The following NECTIN1 variants were observed in gnomAD, a reference collection of about 807,000 sequenced individuals.
NECTIN1 encodes nectin-1.
In NECTIN1, 23 loss-of-function variants were observed where a neutral mutation model predicts 48.0. That is an observed-to-expected ratio of 0.48 (90% CI 0.34 to 0.68). NECTIN1 has a LOEUF of 0.68. Among genes scored for constraint, NECTIN1 ranks in the 30% least tolerant of loss-of-function variants. NECTIN1 has a pLI of 0.01. For synonymous variants in NECTIN1, 270 were observed against 288.9 expected, an observed-to-expected ratio of 0.93 and a Z score of 0.66; for missense variants, 591 against 709.9, an observed-to-expected ratio of 0.83 and a Z score of 1.90.
chr11:119,683,638 G>T lies in NECTIN1; in HGVS notation c.80-4873C>A, dbSNP rs577772548. Among the ~76,000 whole-genome samples the T allele has an allele frequency of 1.8e-4, 28 of 151,780 alleles. No homozygotes were observed. The highest frequency in any genetic ancestry group is 3.5e-4 in the Non-Finnish European group (24 of 67,974). On this transcript the variant is annotated intron_variant, in intron 1 of 5. Coordinates refer to ENST00000264025, the MANE Select transcript of NECTIN1 (RefSeq NM_002855.5). This position sits in a 1 kb window ranked among gnomAD's most constrained non-coding sequence, Gnocchi z 4.0. The stretch of plus-strand genomic sequence containing the variant: ...CACTTGCAGGAGGCTGCTATGTGCT[G>T]AGCAATAAGAGCTAGAGAGGTGGGG...
At chr11:119,648,503 C>A (rs548653106) in intron 5 of NECTIN1, among the ~76,000 whole-genome samples, 1 of 146,622 alleles carries the variant, frequency 6.8e-6, no homozygotes, top group East Asian at 2.1e-4. Context: ...TACTTCATCA[C>A]CCACCATGGC....
chr11:119,720,977 C>T (rs982512691), intron 1 of NECTIN1, among the ~76,000 whole-genome samples: 2 of 152,150 alleles, frequency 1.3e-5, no homozygotes, highest in Non-Finnish European at 2.9e-5. Flanking sequence ...AGGGGAAATG[C>T]TTCCTCTCTA....
rs1197822863 is a variant in NECTIN1 at position 119,664,848 on chromosome 11, T to G, written c.1453A>C (p.Thr485Pro). ...EARQDGYGDR[T>P]LGYQYDPEQL... is the part of the protein sequence containing the mutation. ...TCAGGGTCGTACTGGTAGCCCAGAG[T>G]CCGGTCCCCGTAGCCGTCCTGACGG... The change falls in exon 6 of 6, where the codon ACT becomes CCT. Residue 485 changes from threonine (T) to proline (P), a missense_variant. By Grantham distance (38) the Thr-to-Pro change is conservative. Coordinates refer to ENST00000264025, the MANE Select transcript of NECTIN1 (RefSeq NM_002855.5). 6.2e-7 allele frequency: 1 copy of G among 1,613,824 alleles called. No individual in the cohort carries two copies. Among genetic ancestry groups the G allele is most frequent in the East Asian group, 2.2e-5 (1 of 44,856 alleles).
intron 5 of NECTIN1, chr11:119,674,311 G>C: frequency 7.6e-7 from 1 of 1,320,496 alleles, no homozygotes; most frequent in Non-Finnish European, 9.8e-7. Flanking sequence ...CCCATGTGAA[G>C]TTGTGATGGC....
Position 119,724,405 on chromosome 11 carries a change from T to C in NECTIN1, c.79+4070A>G, listed in dbSNP as rs1196652161. Among the ~76,000 whole-genome samples, 7 of 152,054 alleles carry C rather than the reference T, an allele frequency of 4.6e-5. No individual in the cohort carries two copies. In the East Asian group the frequency reaches 1.4e-3, roughly 29 times the overall value. ...GTGGTCAAGGTCTTCAGCATCTCCC[T>C]GCGAGCAGGCAGAGGCCCAGTCTAA... On this transcript the variant is annotated intron_variant, in intron 1 of 5. Coordinates refer to ENST00000264025, the MANE Select transcript of NECTIN1 (RefSeq NM_002855.5).
chr11:119,664,440 AAGACG>A lies in NECTIN1; in HGVS notation c.*302_*306del. The A allele has an allele frequency of 2.6e-6, 3 of 1,164,848 alleles. No homozygotes were observed. The highest frequency in any genetic ancestry group is 3.2e-6 in the Non-Finnish European group (3 of 941,600). 72.2% of individuals were successfully genotyped at this position (1,164,848 alleles called of 1,614,324 possible). ...ACCCTGGAGGGATGCCCAGGTACACAAGACGAGAACAGGGCTCCCTACACAGAGGG... is the reference window on the plus strand; with the variant it reads ...ACCCTGGAGGGATGCCCAGGTACACAAGAACAGGGCTCCCTACACAGAGGG... On this transcript the variant is annotated 3_prime_UTR_variant, in exon 6 of 6. Transcript: ENST00000264025.
downstream of NECTIN1, among the ~76,000 whole-genome samples, chr11:119,658,409 A>G (rs1864610157): frequency 6.6e-6 from 1 of 152,172 alleles, no homozygotes; most frequent in Admixed American, 6.5e-5. Context: ...CTGGGGTCCA[A>G]GAAGCCAACA....
intron 6 of NECTIN1, chr11:119,639,715 G>T: frequency 9.8e-7 from 1 of 1,025,630 alleles, no homozygotes; most frequent in Non-Finnish European, 1.5e-6. Context: ...AGCTCTTCCT[G>T]CCAAAGGGTT....
chr11:119,638,262 G>C, intron 7 of NECTIN1: 1 of 1,613,686 alleles, frequency 6.2e-7, no homozygotes, highest in South Asian at 1.1e-5. Context: ...AAGAGAAGGC[G>C]GTGAGTGCTG....
chr11:119,692,001 G>C (rs978224437), intron 1 of NECTIN1, among the ~76,000 whole-genome samples: 1 of 152,194 alleles, frequency 6.6e-6, no homozygotes, highest in African/African-American at 2.4e-5. Flanking sequence ...AGGGGCCTGA[G>C]AGGGAGAAGG....
intron 1 of NECTIN1, chr11:119,713,915 C>T (rs747103102): frequency 4.4e-6 from 2 of 454,926 alleles, no homozygotes; most frequent in South Asian, 1.6e-5. Flanking sequence ...CAAGGAGCAG[C>T]AAGCCTGGGG....
intron 1 of NECTIN1, among the ~76,000 whole-genome samples, chr11:119,690,472 A>T (rs1865234514): frequency 6.6e-6 from 1 of 152,040 alleles, no homozygotes; most frequent in African/African-American, 2.4e-5. Context: ...AAAAAAGGGG[A>T]TGGGAAACGG....
intron 1 of NECTIN1, among the ~76,000 whole-genome samples, chr11:119,685,092 C>G (rs1011322556): frequency 1.3e-5 from 2 of 152,226 alleles, no homozygotes; most frequent in Non-Finnish European, 2.9e-5. Context: ...TCCGGCCTGG[C>G]CTTGCACTGC....
At chr11:119,648,229 A>ATGGTGGTGATAG (rs1169628153) in intron 5 of NECTIN1, among the ~76,000 whole-genome samples, 2 of 72,926 alleles carry the variant, frequency 2.7e-5, no homozygotes, top group African/African-American at 4.9e-5. Context: ...GGCAGTGATG[A>ATGGTGGTGATAG]TGGTGGTGAT....
In NECTIN1 at chr11:119,669,853, C is replaced by T. The variant is rs1353872580; in HGVS notation, c.1004-4556G>A. 8.5e-5 allele frequency among the ~76,000 whole-genome samples: 13 copies of T among 152,178 alleles called. 1 individual carries two copies. Reference sequence around the variant, plus strand: ...TTCTCATCAAGACCTTCCCCAACTACCCTATTTAAAACTGCAGCTCATAAG... The same window carrying T: ...TTCTCATCAAGACCTTCCCCAACTATCCTATTTAAAACTGCAGCTCATAAG... On this transcript the variant is annotated intron_variant, in intron 5 of 5. Transcript: ENST00000264025.
chr11:119,687,891 G>A (rs1326384084), intron 1 of NECTIN1, among the ~76,000 whole-genome samples: 4 of 152,220 alleles, frequency 2.6e-5, no homozygotes, highest in Non-Finnish European at 4.4e-5. Flanking sequence ...GGATGGCCGG[G>A]GGGGTGAGTG....
chr11:119,663,387 G>A lies in NECTIN1; in HGVS notation c.*1360C>T, dbSNP rs537956288. On this transcript the variant is annotated 3_prime_UTR_variant, in exon 6 of 6. Coordinates refer to ENST00000264025, the MANE Select transcript of NECTIN1 (RefSeq NM_002855.5). ...GATAGGAACTCAATGTCCCATTCAA[G>A]AAGGGAATCTGCACTGAAAGGGAGG... is the stretch of plus-strand genomic sequence containing the variant. 30 of 985,482 alleles carry A rather than the reference G, an allele frequency of 3.0e-5. No individual in the cohort carries two copies. In the African/African-American group the frequency reaches 4.9e-4, roughly 16 times the overall value. 61.0% of individuals were successfully genotyped at this position (985,482 alleles called of 1,614,324 possible). A position where few individuals can be genotyped will look rare whatever the true frequency, so the allele number is the denominator to read the frequency against.
intron 1 of NECTIN1, among the ~76,000 whole-genome samples, chr11:119,720,392 A>G (rs1008630643): frequency 6.6e-6 from 1 of 152,216 alleles, no homozygotes; most frequent in Non-Finnish European, 1.5e-5. Flanking sequence ...AGCCCACGCA[A>G]TCCTTCAGTC....
Position 119,678,620 on chromosome 11 carries a change from C to T in NECTIN1, c.225G>A (p.Lys75=), listed in dbSNP as rs201400965. ...VTWQKSTNGS[K]QNVAIYNPSM... ...ATGGGTTGTAGATGGCCACGTTCTGCTTGGAGCCATTGGTGGACTTCTGCC... is the reference window on the plus strand; with the variant it reads ...ATGGGTTGTAGATGGCCACGTTCTGTTTGGAGCCATTGGTGGACTTCTGCC... Residue 75 remains lysine, a synonymous_variant, in exon 2 of 6, where the codon AAG becomes AAA. Coordinates refer to ENST00000264025, the MANE Select transcript of NECTIN1 (RefSeq NM_002855.5). This position sits in a 1 kb window ranked among gnomAD's most constrained non-coding sequence, Gnocchi z 4.4. 18 of 1,614,178 alleles carry T rather than the reference C, an allele frequency of 1.1e-5. No homozygotes were observed. The East Asian group carries it at 3.6e-4, about 32-fold the overall frequency.
Sources: gnomAD v4.1 joint callset for allele counts (sites outside exome capture counted in the v4.1 genomes callset) on GRCh38, gnomAD v4.1.1 for gene constraint, Gnocchi (gnomAD v3.1) non-coding constraint, MANE v1.5 for transcripts, NCBI Gene and HGNC (gene_info 2026-07-23, HGNC 2026-07-21) for gene names.